Variants in UCHL1 observed in about 807,000 individuals in gnomAD.
UCHL1 encodes ubiquitin carboxyl-terminal hydrolase isozyme L1.
In UCHL1, 5 loss-of-function variants were observed where a neutral mutation model predicts 33.3. The observed-to-expected ratio is 0.15, with a 90% CI of 0.08 to 0.32. The LOEUF (loss-of-function observed/expected upper bound fraction) is 0.32. Ranked by LOEUF, UCHL1 falls within the 10% of genes least tolerant of loss-of-function variation. The probability of loss-of-function intolerance (pLI) is 1.00; values close to 1 mark genes in which losing one functional copy is unlikely to be tolerated. For synonymous variants in UCHL1, 132 were observed against 108.8 expected (o/e 1.21, Z -1.33); for missense variants, 236 against 280.0 (o/e 0.84, Z 1.12).
intron 3 of UCHL1, 31 bp from the exon 4 acceptor site, chr4:41,260,616 T>G: frequency 6.2e-7 from 1 of 1,613,460 alleles, no homozygotes; most frequent in Non-Finnish European, 8.5e-7. Context: ...ACTTTCATTC[T>G]GAGATGTAAA....
At chr4:41,265,303 G>C (rs1781133939) in intron 8 of UCHL1, among the ~76,000 whole-genome samples, 1 of 152,240 alleles carries the variant, frequency 6.6e-6, no homozygotes, top group African/African-American at 2.4e-5. Context: ...GTCTGGCAAG[G>C]TGCAGTGGCT....
intron 3 of UCHL1, among the ~76,000 whole-genome samples, chr4:41,259,729 A>T (rs1781039961): frequency 1.3e-5 from 2 of 152,056 alleles, no homozygotes; most frequent in Admixed American, 6.6e-5. Context: ...TTATATTTTT[A>T]TTTTTTAGAG....
Position 41,260,665 on chromosome 4 carries a change from A to C in UCHL1, c.193A>C (p.Lys65Gln). ...LTAQHENFRK[K>Q]QIEELKGQEV... ...TTCGCAGCATGAGAACTTCAGGAAA[A>C]AGCAGATTGAAGAGCTGAAGGGACA... The change falls in exon 4 of 9, where the codon AAG becomes CAG. Residue 65 changes from lysine (K) to glutamine (Q), a missense_variant. Lys to Gln is a moderately conservative substitution (Grantham distance 53). Coordinates refer to ENST00000284440, the MANE Select transcript of UCHL1 (RefSeq NM_004181.5). 1 of 1,614,208 alleles carries C rather than the reference A, an allele frequency of 6.2e-7. No individual in the cohort carries two copies. Among genetic ancestry groups the C allele is most frequent in the Non-Finnish European group, 8.5e-7 (1 of 1,180,030 alleles).
In UCHL1 at chr4:41,257,591, C is replaced by G; in HGVS notation, c.46-18C>G. ...CGCGTGTCCCCGTGCGCCTGGCCGC[C>G]TTGTCTCCTCTCCGCAGGTGCTGTC... is the stretch of plus-strand genomic sequence containing the variant. On this transcript the variant is annotated intron_variant, in intron 2 of 8. Coordinates refer to ENST00000284440, the MANE Select transcript of UCHL1 (RefSeq NM_004181.5). 1 of 1,509,156 alleles carries G rather than the reference C, an allele frequency of 6.6e-7. No individual in the cohort carries two copies. Among genetic ancestry groups the G allele is most frequent in the Non-Finnish European group, 8.8e-7 (1 of 1,136,326 alleles). The allele number at this position is 1,509,156 out of a possible 1,614,324, so 93.5% of individuals were successfully genotyped here.
chr4:41,260,811 T>C lies in UCHL1; in HGVS notation c.325+14T>C. 1 of 1,614,090 alleles carries C rather than the reference T, an allele frequency of 6.2e-7. No individual in the cohort carries two copies. The highest frequency in any genetic ancestry group is 8.5e-7 in the Non-Finnish European group (1 of 1,179,986). ...AACTGGGATTTGGTAGGTGTGGGTT[T>C]TGAGGCCAGCCATCCTAAGCTTGAA... On this transcript the variant is annotated intron_variant, in intron 4 of 8. Transcript: ENST00000284440.
chr4:41,260,756 T>G lies in UCHL1; in HGVS notation c.284T>G (p.Leu95Arg). Residue 95 changes from leucine (L) to arginine (R), a missense_variant, in exon 4 of 9, where the codon CTT becomes CGT. By Grantham distance (102) the Leu-to-Arg change is moderately radical. Coordinates refer to ENST00000284440, the MANE Select transcript of UCHL1 (RefSeq NM_004181.5). Reference sequence around the variant, plus strand: ...GGGAATTCCTGTGGCACAATCGGACTTATTCACGCAGTGGCCAATAATCAA... The same window carrying G: ...GGGAATTCCTGTGGCACAATCGGACGTATTCACGCAGTGGCCAATAATCAA... Reference protein sequence around the residue: ...TIGNSCGTIGLIHAVANNQDK... With the variant: ...TIGNSCGTIGRIHAVANNQDK... 6.2e-7 allele frequency: 1 copy of G among 1,614,196 alleles called. No homozygotes were observed. The highest frequency in any genetic ancestry group is 8.5e-7 in the Non-Finnish European group (1 of 1,180,034).
At chr4:41,265,977 TTAAGGTACATGC>T (rs559052314) in intron 8 of UCHL1, among the ~76,000 whole-genome samples, 202 of 152,324 alleles carry the variant, frequency 1.3e-3, no homozygotes, top group African/African-American at 3.8e-3. Context: ...AGTAAAGCTT[TTAAGGTACATGC>T]TAACTCATCT....
At position 41,260,875 on chromosome 4, in the gene UCHL1, G is replaced by A. The variant is rs184921731; in HGVS notation, c.325+78G>A. 4.4e-4 allele frequency: 703 copies of A among 1,600,076 alleles called. 2 individuals carry two copies. The African/African-American group carries it at 8.1e-3, about 18-fold the overall frequency. ...GTTCAGAAACAGCTGTTTTCCCGAG[G>A]TCAGAGATGCTGTACCTTTTGAAAC... is the stretch of plus-strand genomic sequence containing the variant. On this transcript the variant is annotated intron_variant, in intron 4 of 8. Transcript: ENST00000284440.
chr4:41,263,375 T>C, intron 7 of UCHL1, 84 bp downstream of exon 7: 3 of 1,291,466 alleles, frequency 2.3e-6, no homozygotes, highest in Non-Finnish European at 3.4e-6. Flanking sequence ...TGTGTGACTT[T>C]ATGGCACTTG....
In UCHL1 at chr4:41,268,322, A is replaced by C. The variant is rs1303671638; in HGVS notation, c.*249A>C. 2 of 555,954 alleles carry C rather than the reference A, an allele frequency of 3.6e-6. No homozygotes were observed. The highest frequency in any genetic ancestry group is 6.5e-5 in the Admixed American group (2 of 30,776). 34.4% of individuals were successfully genotyped at this position (555,954 alleles called of 1,614,324 possible). A position where few individuals can be genotyped will look rare whatever the true frequency, so the allele number is the denominator to read the frequency against. On this transcript the variant is annotated 3_prime_UTR_variant, in exon 9 of 9. Transcript: ENST00000284440. Reference sequence around the variant, plus strand: ...CCCCAGTGTATGTCTTGTATCCGATATCTAACGCTTTAAATGGCTACTTTG... The same window carrying C: ...CCCCAGTGTATGTCTTGTATCCGATCTCTAACGCTTTAAATGGCTACTTTG...
In UCHL1 at chr4:41,256,944, C is replaced by T. The variant is rs756271669; in HGVS notation, c.-33C>T. Reference sequence around the variant, plus strand: ...GGCTCCGCTAGCTGTTTTTCGTCTTCCCTAGGCTATTTCTGCCGGGCGCTC... The same window carrying T: ...GGCTCCGCTAGCTGTTTTTCGTCTTTCCTAGGCTATTTCTGCCGGGCGCTC... On this transcript the variant is annotated 5_prime_UTR_variant, in exon 1 of 9. Transcript: ENST00000284440. 3.1e-5 allele frequency: 50 copies of T among 1,614,014 alleles called. 1 individual carries two copies. Among genetic ancestry groups the T allele is most frequent in the South Asian group, 1.9e-4 (17 of 91,090 alleles).
At chr4:41,267,456 C>T (rs181434868) in intron 8 of UCHL1, among the ~76,000 whole-genome samples, 21 of 152,218 alleles carry the variant, frequency 1.4e-4, no homozygotes, top group African/African-American at 5.1e-4. Context: ...CCATGTTGGC[C>T]AGGATGGTCT....
In UCHL1 at chr4:41,257,494, C is replaced by A. The variant is rs1029422646; in HGVS notation, c.46-115C>A. On this transcript the variant is annotated intron_variant, in intron 2 of 8. Transcript: ENST00000284440. Reference sequence around the variant, plus strand: ...GGGGTGGCAGGGCGGGACTGGGGCTCCTCCCAGGCTCGGGTGCGGGCGCGG... The same window carrying A: ...GGGGTGGCAGGGCGGGACTGGGGCTACTCCCAGGCTCGGGTGCGGGCGCGG... 203 of 1,315,428 alleles carry A rather than the reference C, an allele frequency of 1.5e-4. 1 individual carries two copies. Among genetic ancestry groups the A allele is most frequent in the Non-Finnish European group, 1.9e-4 (196 of 1,026,770 alleles). The allele number at this position is 1,315,428 out of a possible 1,614,324, so 81.5% of individuals were successfully genotyped here.
At chr4:41,263,358 G>GA (rs1781104145) in intron 7 of UCHL1, 67 bp downstream of exon 7, 10 of 1,447,320 alleles carry the variant, frequency 6.9e-6, no homozygotes, top group East Asian at 4.5e-5. Flanking sequence ...AATTTCTCTT[G>GA]ATATATTGTG....
chr4:41,264,221 A>G (rs779317158), intron 8 of UCHL1, 60 bp downstream of exon 8: 2 of 1,604,048 alleles, frequency 1.2e-6, no homozygotes, highest in East Asian at 2.2e-5. Flanking sequence ...TAAATTTTCT[A>G]TTCTAAAGTG....
intron 8 of UCHL1, among the ~76,000 whole-genome samples, chr4:41,267,765 A>G (rs1355005329): frequency 2.0e-5 from 3 of 152,128 alleles, no homozygotes; most frequent in African/African-American, 7.2e-5. Context: ...AAGTGAGAGA[A>G]GCACAAAACC....
At chr4:41,266,497 A>C (rs1219373618) in intron 8 of UCHL1, among the ~76,000 whole-genome samples, 1 of 152,218 alleles carries the variant, frequency 6.6e-6, no homozygotes, top group African/African-American at 2.4e-5. Flanking sequence ...TTAAAGGTAC[A>C]TCTTTAATAG....
chr4:41,257,437 C>A (rs541504526), intron 2 of UCHL1, 172 bp from the exon 3 acceptor site: 1 of 1,020,176 alleles, frequency 9.8e-7, no homozygotes, highest in Non-Finnish European at 1.3e-6. Flanking sequence ...GTGGGCCGCG[C>A]TTTGTGCTGT....
In UCHL1 at chr4:41,257,627, G is replaced by A. The variant is rs1315225355; in HGVS notation, c.64G>A (p.Val22Ile). 5.1e-5 allele frequency: 79 copies of A among 1,555,606 alleles called. No homozygotes were observed. The highest frequency in any genetic ancestry group is 6.7e-5 in the Non-Finnish European group (77 of 1,156,268). The change falls in exon 3 of 9, where the codon GTC (valine) becomes ATC (isoleucine). Residue 22 changes from valine to isoleucine, a missense_variant. Coordinates refer to ENST00000284440, the MANE Select transcript of UCHL1 (RefSeq NM_004181.5). ...TCCGCAGGTGCTGTCCCGGCTGGGG[G>A]TCGCCGGCCAGTGGCGCTTCGTGGA... Reference protein sequence around the residue: ...MLNKVLSRLGVAGQWRFVDVL... With the variant: ...MLNKVLSRLGIAGQWRFVDVL...
Sources: gnomAD v4.1 joint callset for allele counts (sites outside exome capture counted in the v4.1 genomes callset) on GRCh38, gnomAD v4.1.1 for gene constraint, MANE v1.5 for transcripts, NCBI Gene and HGNC (gene_info 2026-07-23, HGNC 2026-07-21) for gene names.